Variants in FKBP9 observed in about 807,000 individuals in gnomAD.
The protein encoded by FKBP9 is peptidyl-prolyl cis-trans isomerase FKBP9.
In FKBP9, 27 loss-of-function variants were observed where a neutral mutation model predicts 55.6. That is an observed-to-expected ratio of 0.49 (90% CI 0.36 to 0.67). The LOEUF (loss-of-function observed/expected upper bound fraction) is 0.67, where lower values mean the gene tolerates loss of function less well. Among genes scored for constraint, FKBP9 ranks in the 30% least tolerant of loss-of-function variants. The pLI is 0.00. For missense variants in FKBP9, 539 were observed against 742.8 expected (o/e 0.73, Z 3.19); for synonymous variants, 267 against 296.5 (o/e 0.90, Z 1.02).
In FKBP9 at chr7:32,967,812, T is replaced by C. The variant is rs189032628; in HGVS notation, c.222-6805T>C. On this transcript the variant is annotated intron_variant, in intron 1 of 9. Coordinates refer to ENST00000242209, the MANE Select transcript of FKBP9 (RefSeq NM_007270.5). ...TCTTATTGCCTGGGCTGGAGTACAG[T>C]AGTGCGATCTCAGCTCATCGCAACC... Among the ~76,000 whole-genome samples, 36 of 152,250 alleles carry C rather than the reference T, an allele frequency of 2.4e-4. No individual in the cohort carries two copies. In the East Asian group the frequency reaches 6.0e-3, roughly 25 times the overall value.
intron 1 of FKBP9, among the ~76,000 whole-genome samples, chr7:32,960,716 C>T (rs1199802391): frequency 2.0e-5 from 3 of 152,118 alleles, no homozygotes; most frequent in South Asian, 2.1e-4. Context: ...CGTTTTTCAG[C>T]GTCTATCCCT....
chr7:32,995,419 G>A (rs1306054312), intron 6 of FKBP9, among the ~76,000 whole-genome samples: 4 of 152,090 alleles, frequency 2.6e-5, no homozygotes, highest in Non-Finnish European at 5.9e-5. Context: ...TGTCCCCCAC[G>A]CCCCTGGGAA....
chr7:32,992,199 GCTCAGAGGAAACCCACCTTC>G (rs1211514366), intron 6 of FKBP9, among the ~76,000 whole-genome samples: 8 of 151,746 alleles, frequency 5.3e-5, no homozygotes, highest in Non-Finnish European at 7.4e-5. Context: ...AAACACACCC[GCTCAGAGGAAACCCACCTTC>G]CTCAGAGGAA....
At chr7:33,002,928 C>A in intron 9 of FKBP9, 89 bp downstream of exon 9, 2 of 1,399,646 alleles carry the variant, frequency 1.4e-6, no homozygotes. Context: ...GTAAGGACTT[C>A]TAAGGGTGAG....
chr7:32,992,574 G>A (rs530978268), intron 6 of FKBP9: 14 of 178,318 alleles, frequency 7.9e-5, no homozygotes, highest in African/African-American at 2.4e-4. Context: ...ATTTCTGCCC[G>A]TTTGCTGGTC....
chr7:32,964,179 G>A (rs1199834612), intron 1 of FKBP9, among the ~76,000 whole-genome samples: 2 of 152,236 alleles, frequency 1.3e-5, no homozygotes, highest in African/African-American at 4.8e-5. Context: ...TGCTAACTAG[G>A]GGAAGATCCT....
At position 32,996,332 on chromosome 7, in the gene FKBP9, G is replaced by C; in HGVS notation, c.1209G>C (p.Gly403=). The C allele has an allele frequency of 6.2e-7, 1 of 1,613,312 alleles. No homozygotes were observed. The highest frequency in any genetic ancestry group is 8.5e-7 in the Non-Finnish European group (1 of 1,179,418). The part of the protein sequence containing the change: ...KYHYNASLLD[G]TLLDSTWNLG... ...ACTACAATGCCTCACTTCTGGATGG[G>C]ACCCTGCTGGACTCCACGTAAGGGC... Residue 403 remains glycine (G), a synonymous_variant, in exon 7 of 10, where the codon GGG becomes GGC. Transcript: ENST00000242209.
chr7:32,994,260 C>A (rs928916492), intron 6 of FKBP9, among the ~76,000 whole-genome samples: 7 of 152,146 alleles, frequency 4.6e-5, no homozygotes. Context: ...CCATCCACTT[C>A]CCCCACGCTG....
At chr7:33,000,785 C>CTT (rs139609619) in intron 8 of FKBP9, among the ~76,000 whole-genome samples, 28 of 149,142 alleles carry the variant, frequency 1.9e-4, no homozygotes, top group East Asian at 2.0e-4. Context: ...GATTCAATAA[C>CTT]TTTTTTTTTT....
At chr7:32,972,941 C>T (rs1311100869) in intron 1 of FKBP9, among the ~76,000 whole-genome samples, 4 of 152,248 alleles carry the variant, frequency 2.6e-5, no homozygotes, top group East Asian at 1.9e-4. Flanking sequence ...AGGCTGGTCT[C>T]GAACTCCTAA....
At chr7:32,967,973 T>TCTAA (rs1457035122) in intron 1 of FKBP9, among the ~76,000 whole-genome samples, 1 of 152,224 alleles carries the variant, frequency 6.6e-6, no homozygotes, top group African/African-American at 2.4e-5. Flanking sequence ...CAGGCTGGTT[T>TCTAA]CTAACTCCCG....
intron 6 of FKBP9, chr7:32,989,095 C>T (rs1310654215): frequency 6.5e-6 from 1 of 152,700 alleles, no homozygotes; most frequent in Non-Finnish European, 1.5e-5. Context: ...CAGTTGTTAA[C>T]ATTTTGCTAT....
intron 1 of FKBP9, among the ~76,000 whole-genome samples, chr7:32,962,915 G>C (rs1415512347): frequency 6.6e-6 from 1 of 151,794 alleles, no homozygotes; most frequent in Non-Finnish European, 1.5e-5. Flanking sequence ...TCAGAAAGGT[G>C]AGAGGACAGT....
chr7:32,958,430 G>T (rs907741657), intron 1 of FKBP9, among the ~76,000 whole-genome samples: 5 of 152,238 alleles, frequency 3.3e-5, no homozygotes, highest in Non-Finnish European at 1.5e-5. Flanking sequence ...AAACAATGGA[G>T]TCAGATTGTT....
Position 32,980,476 on chromosome 7 carries a change from G to A in FKBP9, c.816G>A (p.Glu272=), listed in dbSNP as rs1234729010. 1 of 1,613,894 alleles carries A rather than the reference G, an allele frequency of 6.2e-7. No individual in the cohort carries two copies. Among genetic ancestry groups the A allele is most frequent in the Non-Finnish European group, 8.5e-7 (1 of 1,179,860 alleles). The change falls in exon 5 of 10, where the codon GAG becomes GAA. Residue 272 remains glutamate (E), a synonymous_variant. Transcript: ENST00000242209. ...ACAAGGTAGTACCTGAAAACTGTGA[G>A]CGGATAAGTCAAAGTGGGGACTTTC... ...IENKVVPENC[E]RISQSGDFLR... is the part of the protein sequence containing the mutation.
At chr7:32,968,736 C>CCTGCATTG (rs1784197231) in intron 1 of FKBP9, among the ~76,000 whole-genome samples, 1 of 152,056 alleles carries the variant, frequency 6.6e-6, no homozygotes, top group Admixed American at 6.6e-5. Context: ...CCATGCCTGG[C>CCTGCATTG]TAATTTTTGT....
intron 8 of FKBP9, among the ~76,000 whole-genome samples, chr7:33,001,671 T>C (rs906797656): frequency 6.6e-6 from 1 of 152,136 alleles, no homozygotes; most frequent in African/African-American, 2.4e-5. Context: ...ATTACCTTTA[T>C]ATATTCCATA....
At chr7:32,977,901 A>G (rs1295356839) in intron 4 of FKBP9, among the ~76,000 whole-genome samples, 1 of 128,264 alleles carries the variant, frequency 7.8e-6, no homozygotes, top group East Asian at 2.2e-4. Flanking sequence ...ACACTCATAT[A>G]TATATACTCA....
chr7:33,002,458 A>T (rs1337125479), intron 8 of FKBP9, among the ~76,000 whole-genome samples: 1 of 152,200 alleles, frequency 6.6e-6, no homozygotes, highest in Non-Finnish European at 1.5e-5. Flanking sequence ...AATTTAAAAA[A>T]TAACTAAACG....
Sources: allele counts gnomAD v4.1 joint callset (sites outside exome capture counted in the v4.1 genomes callset), GRCh38; gene constraint gnomAD v4.1.1; transcripts MANE v1.5; gene names NCBI Gene and HGNC (gene_info 2026-07-23, HGNC 2026-07-21).